The following CTSC variants were observed in gnomAD, a reference collection of about 807,000 sequenced individuals.
The protein encoded by CTSC is dipeptidyl peptidase 1.
CTSC carries 37 observed loss-of-function variants against 40.9 expected under a neutral mutation model. The observed-to-expected ratio is 0.91, with a 90% CI of 0.70 to 1.19. The LOEUF (loss-of-function observed/expected upper bound fraction) is 1.19, where lower values mean the gene tolerates loss of function less well. Ranked by LOEUF, CTSC falls within the 50% of genes most tolerant of loss-of-function variation. The pLI is 0.00. For missense variants in CTSC, 594 were observed against 567.3 expected, an observed-to-expected ratio of 1.05 and a Z score of -0.48; for synonymous variants, 232 against 207.4, an observed-to-expected ratio of 1.12 and a Z score of -1.02.
chr11:88,325,873 G>T, intron 2 of CTSC: 1 of 987,240 alleles, frequency 1.0e-6, no homozygotes, highest in African/African-American at 1.7e-5. Flanking sequence ...TTATATCTGT[G>T]AATCTCAAGA....
At chr11:88,300,716 A>G (rs1454118384) in intron 4 of CTSC, 71 bp from the exon 5 acceptor site, 11 of 984,916 alleles carry the variant, frequency 1.1e-5, no homozygotes, top group East Asian at 2.4e-5. Context: ...AAACTCTACT[A>G]TAATTCTATG....
At chr11:88,311,435 T>G (rs1225129232) in intron 3 of CTSC, among the ~76,000 whole-genome samples, 2 of 152,234 alleles carry the variant, frequency 1.3e-5, no homozygotes, top group African/African-American at 4.8e-5. Flanking sequence ...TGGGATGATT[T>G]GTACATGTAC....
At chr11:88,304,319 T>C (rs1937610067) in intron 4 of CTSC, among the ~76,000 whole-genome samples, 1 of 152,172 alleles carries the variant, frequency 6.6e-6, no homozygotes, top group African/African-American at 2.4e-5. Flanking sequence ...AAGTCCTTAA[T>C]AAAATGGCAG....
intron 1 of CTSC, among the ~76,000 whole-genome samples, chr11:88,337,137 A>T (rs950631942): frequency 6.6e-6 from 1 of 152,186 alleles, no homozygotes; most frequent in East Asian, 1.9e-4. Context: ...TAAAATAGTA[A>T]TAAAAAATAA....
chr11:88,319,196 C>T (rs1293654407), intron 2 of CTSC, among the ~76,000 whole-genome samples: 1 of 152,162 alleles, frequency 6.6e-6, no homozygotes, highest in East Asian at 1.9e-4. Context: ...TTTGCAAATA[C>T]TAATGATGCA....
At chr11:88,315,064 A>G (rs1027997221) in intron 2 of CTSC, among the ~76,000 whole-genome samples, 7 of 152,220 alleles carry the variant, frequency 4.6e-5, no homozygotes, top group Admixed American at 4.6e-4. Flanking sequence ...TGGTAGATCG[A>G]AACAGTGTAA....
chr11:88,315,195 T>G (rs746002489), intron 2 of CTSC, among the ~76,000 whole-genome samples: 2 of 152,050 alleles, frequency 1.3e-5, no homozygotes, highest in Non-Finnish European at 2.9e-5. Flanking sequence ...GCAGGCCAGG[T>G]AGGGTTAGGC....
chr11:88,336,756 C>T (rs1261612035), intron 1 of CTSC, among the ~76,000 whole-genome samples: 1 of 151,916 alleles, frequency 6.6e-6, no homozygotes, highest in Non-Finnish European at 1.5e-5. Context: ...TTTTTTCCAC[C>T]CCACCCCCTT....
At chr11:88,297,936 C>G (rs1944316022) in intron 5 of CTSC, 1 of 152,226 alleles carries the variant, frequency 6.6e-6, no homozygotes, top group Non-Finnish European at 1.5e-5. Context: ...TAACTATGTT[C>G]AGCAGCACCT....
intron 2 of CTSC, chr11:88,325,062 C>T: frequency 1.0e-6 from 1 of 983,766 alleles, no homozygotes; most frequent in African/African-American, 1.8e-5. Context: ...AAACATAACC[C>T]CATAATTTCA....
At chr11:88,314,210 T>C (rs937190657) in intron 2 of CTSC, among the ~76,000 whole-genome samples, 2 of 152,198 alleles carry the variant, frequency 1.3e-5, no homozygotes, top group Non-Finnish European at 2.9e-5. Flanking sequence ...ACCTAAAAGG[T>C]GCAAAGGGAA....
At position 88,337,716 on chromosome 11, in the gene CTSC, C is replaced by G. The variant is rs1420577785; in HGVS notation, c.-44G>C. ...AAGAGGTGAAGAATTACCAGGAAGC[C>G]GAGCGCTGCGGGCTAGCGGTGAGTC... On this transcript the variant is annotated 5_prime_UTR_variant, in exon 1 of 7. Transcript: ENST00000227266. 3.9e-6 allele frequency: 6 copies of G among 1,549,392 alleles called. No homozygotes were observed. In the South Asian group the frequency reaches 4.8e-5, roughly 12 times the overall value.
chr11:88,308,118 G>A (rs1053711120), intron 4 of CTSC, among the ~76,000 whole-genome samples: 1 of 152,214 alleles, frequency 6.6e-6, no homozygotes, highest in Non-Finnish European at 1.5e-5. Flanking sequence ...AGAAAACTAT[G>A]AGAGTGAAAG....
In CTSC at chr11:88,337,542, C is replaced by A; in HGVS notation, c.131G>T (p.Gly44Val). 6.3e-7 allele frequency: 1 copy of A among 1,576,760 alleles called. No individual in the cohort carries two copies. The highest frequency in any genetic ancestry group is 8.6e-7 in the Non-Finnish European group (1 of 1,160,316). Residue 44 changes from glycine to valine, a missense_variant, in exon 1 of 7, where the codon GGC (glycine) becomes GTC (valine). Physicochemically the swap from Gly to Val is moderately radical, Grantham distance 109. Coordinates refer to ENST00000227266, the MANE Select transcript of CTSC (RefSeq NM_001814.6). ...GACATCGCGCTGGGAACCGCTGGAG[C>A]CCACCTGGAAGACCCAGGTGCCCAG... ...DLLGTWVFQV[G>V]SSGSQRDVNC...
At chr11:88,303,954 A>G (rs963207037) in intron 4 of CTSC, among the ~76,000 whole-genome samples, 2 of 151,988 alleles carry the variant, frequency 1.3e-5, no homozygotes, top group African/African-American at 2.4e-5. Flanking sequence ...TCTGAGGCCT[A>G]CTTCTGAGGC....
chr11:88,293,904 T>C lies in CTSC; in HGVS notation c.*102A>G, dbSNP rs1164536205. On this transcript the variant is annotated 3_prime_UTR_variant, in exon 7 of 7. Coordinates refer to ENST00000227266, the MANE Select transcript of CTSC (RefSeq NM_001814.6). ...GACAAATATCTTCATGGAAATCTAT[T>C]TGTAAGCTTCTGAGATTGCTGCTGA... 6.0e-6 allele frequency: 8 copies of C among 1,333,170 alleles called. No individual in the cohort carries two copies. In the Admixed American group the frequency reaches 6.7e-5, roughly 11 times the overall value. The allele number at this position is 1,333,170 out of a possible 1,614,324, so 82.6% of individuals were successfully genotyped here.
intron 4 of CTSC, among the ~76,000 whole-genome samples, chr11:88,302,625 C>CAAAAAAAAAAAAAAA (rs139973958): frequency 1.2e-5 from 1 of 80,052 alleles, no homozygotes; most frequent in Non-Finnish European, 2.3e-5. Flanking sequence ...GACTCCGCCT[C>CAAAAAAAAAAAAAAA]AAAAAAAAAA....
At chr11:88,306,884 G>A (rs1386304084) in intron 4 of CTSC, among the ~76,000 whole-genome samples, 1 of 152,152 alleles carries the variant, frequency 6.6e-6, no homozygotes, top group Non-Finnish European at 1.5e-5. Context: ...TGGGCTTCAG[G>A]AGTCTCCAAC....
intron 2 of CTSC, among the ~76,000 whole-genome samples, chr11:88,314,010 A>G (rs1444816094): frequency 6.6e-6 from 1 of 152,150 alleles, no homozygotes; most frequent in Non-Finnish European, 1.5e-5. Context: ...CTATGTTTCT[A>G]TAAAATTTCT....
Sources: allele counts gnomAD v4.1 joint callset (sites outside exome capture counted in the v4.1 genomes callset), GRCh38; gene constraint gnomAD v4.1.1; transcripts MANE v1.5; gene names NCBI Gene and HGNC (gene_info 2026-07-23, HGNC 2026-07-21).